The following MTUS2 variants were observed in gnomAD, a reference collection of about 807,000 sequenced individuals.
MTUS2 encodes the protein microtubule-associated tumor suppressor candidate 2.
A neutral mutation model predicts 114.1 loss-of-function variants in MTUS2; 40 were observed. That is an observed-to-expected ratio of 0.35 (90% CI 0.27 to 0.46). MTUS2 has a LOEUF of 0.46. MTUS2 is among the 20% of genes least tolerant of loss of function. The pLI, the probability that MTUS2 is intolerant of heterozygous loss-of-function variation, is 1.00. For missense variants in MTUS2, 1,679 were observed against 1,705.4 expected (o/e 0.98, Z 0.27); for synonymous variants, 688 against 672.0 (o/e 1.02, Z -0.37).
intron 1 of MTUS2, among the ~76,000 whole-genome samples, chr13:28,824,149 C>G (rs1369788558): frequency 6.6e-6 from 1 of 152,200 alleles, no homozygotes; most frequent in African/African-American, 2.4e-5. Flanking sequence ...TAGAAAAGCT[C>G]AAGGCTGCCC....
chr13:28,989,434 C>T (rs913251592), intron 2 of MTUS2, among the ~76,000 whole-genome samples: 19 of 152,184 alleles, frequency 1.2e-4, no homozygotes, highest in African/African-American at 4.1e-4. Flanking sequence ...CAAAATTGGC[C>T]TCATTAACAA....
At chr13:29,256,008 C>G (rs1471266656) in intron 5 of MTUS2, among the ~76,000 whole-genome samples, 1 of 152,148 alleles carries the variant, frequency 6.6e-6, no homozygotes, top group East Asian at 1.9e-4. Context: ...TAAATGAGTT[C>G]ATCTATGTAG....
intron 6 of MTUS2, among the ~76,000 whole-genome samples, chr13:29,323,895 G>A (rs1050464892): frequency 2.0e-5 from 3 of 152,182 alleles, no homozygotes; most frequent in Non-Finnish European, 4.4e-5. Context: ...ATCTAGGTCT[G>A]TGTGATTTCG....
intron 2 of MTUS2, among the ~76,000 whole-genome samples, chr13:28,870,870 C>T (rs1185653410): frequency 6.6e-6 from 1 of 152,172 alleles, no homozygotes; most frequent in Non-Finnish European, 1.5e-5. Flanking sequence ...CCACAGCTTG[C>T]ACATGGAAAG....
At chr13:29,293,367 A>T (rs1898798070) in intron 6 of MTUS2, among the ~76,000 whole-genome samples, 1 of 152,202 alleles carries the variant, frequency 6.6e-6, no homozygotes. Context: ...TTTACTAATA[A>T]CTAAACATAT....
chr13:28,831,962 C>G (rs1874717145), intron 1 of MTUS2, among the ~76,000 whole-genome samples: 2 of 151,804 alleles, frequency 1.3e-5, no homozygotes, highest in Non-Finnish European at 2.9e-5. Flanking sequence ...CAGGCTTTCA[C>G]TATGTTGGCC....
upstream of MTUS2, among the ~76,000 whole-genome samples, chr13:28,819,965 G>A (rs1259870613): frequency 6.8e-6 from 1 of 147,448 alleles, no homozygotes; most frequent in Admixed American, 6.7e-5. Context: ...GTCTCGGCGA[G>A]TGCGTCTCCG....
chr13:29,073,596 TC>T (rs1209655909), intron 4 of MTUS2, among the ~76,000 whole-genome samples: 4 of 152,082 alleles, frequency 2.6e-5, no homozygotes, highest in African/African-American at 9.7e-5. Flanking sequence ...ATTTTTAAAA[TC>T]AAAAGCATGA....
At chr13:29,195,612 G>A (rs993417995) in intron 5 of MTUS2, among the ~76,000 whole-genome samples, 1 of 149,752 alleles carries the variant, frequency 6.7e-6, no homozygotes, top group African/African-American at 2.5e-5. Context: ...GTTGAAAGAT[G>A]CAGAGAGTGT....
intron 6 of MTUS2, among the ~76,000 whole-genome samples, chr13:29,312,149 C>T (rs529017172): frequency 6.6e-6 from 1 of 152,326 alleles, no homozygotes; most frequent in African/African-American, 2.4e-5. Flanking sequence ...TGAAGCCTTA[C>T]CTGGCTCCTC....
chr13:29,317,803 G>A (rs181398453), intron 6 of MTUS2, among the ~76,000 whole-genome samples: 1 of 152,248 alleles, frequency 6.6e-6, no homozygotes, highest in Admixed American at 6.5e-5. Flanking sequence ...TCGAGATAAT[G>A]TTTCCTTTCT....
At chr13:29,126,865 G>A (rs1402846876) in intron 5 of MTUS2, among the ~76,000 whole-genome samples, 2 of 152,152 alleles carry the variant, frequency 1.3e-5, no homozygotes, top group African/African-American at 4.8e-5. Flanking sequence ...TTTCTCATCA[G>A]CACATGTGGT....
In MTUS2 at chr13:29,298,579, TTTTCTC is replaced by T. The variant is rs57448007; in HGVS notation, c.2806+16720_2806+16725del. ...CTTCGTCCAGTCCTCTCAAGTATCA[TTTTCTC>T]TTTCTGTGCACATCTTTAGTGAAGA... On this transcript the variant is annotated intron_variant, in intron 6 of 15. Coordinates refer to ENST00000612955, the MANE Select transcript of MTUS2 (RefSeq NM_001033602.4). Among the ~76,000 whole-genome samples the T allele has an allele frequency of 7.7e-3, 1,172 of 152,290 alleles. 14 individuals carry two copies. Among genetic ancestry groups the T allele is most frequent in the African/African-American group, 0.027 (1,119 of 41,556 alleles).
At chr13:28,954,508 G>T (rs1882966889) in intron 2 of MTUS2, among the ~76,000 whole-genome samples, 1 of 152,236 alleles carries the variant, frequency 6.6e-6, no homozygotes, top group African/African-American at 2.4e-5. Context: ...AGAATTAGGA[G>T]GGAGGGTGTG....
At chr13:29,426,442 GGAACAGTCT>G (rs1876535753) in intron 8 of MTUS2, among the ~76,000 whole-genome samples, 1 of 152,118 alleles carries the variant, frequency 6.6e-6, no homozygotes, top group African/African-American at 2.4e-5. Context: ...TCATAAGTGG[GGAACAGTCT>G]GTATATTCGC....
At chr13:29,119,231 AT>A (rs1891210415) in intron 5 of MTUS2, among the ~76,000 whole-genome samples, 1 of 152,222 alleles carries the variant, frequency 6.6e-6, no homozygotes, top group Non-Finnish European at 1.5e-5. Context: ...ATAGATACAC[AT>A]TGGACCTGAT....
chr13:28,973,712 C>T (rs1296173212), intron 2 of MTUS2, among the ~76,000 whole-genome samples: 1 of 152,212 alleles, frequency 6.6e-6, no homozygotes, highest in African/African-American at 2.4e-5. Context: ...TGAAGGTTTA[C>T]ATTTTGTAAT....
At chr13:29,304,557 G>C (rs1812851334) in intron 6 of MTUS2, among the ~76,000 whole-genome samples, 1 of 152,160 alleles carries the variant, frequency 6.6e-6, no homozygotes, top group South Asian at 2.1e-4. Context: ...TTACATAATG[G>C]TAAAGGGTTT....
intron 5 of MTUS2, among the ~76,000 whole-genome samples, chr13:29,120,378 C>A (rs1891258652): frequency 1.3e-5 from 2 of 151,732 alleles, no homozygotes; most frequent in African/African-American, 2.4e-5. Flanking sequence ...TATATTTTCA[C>A]AAATATCCAT....
Sources: allele counts gnomAD v4.1 joint callset (sites outside exome capture counted in the v4.1 genomes callset), GRCh38; gene constraint gnomAD v4.1.1; transcripts MANE v1.5; gene names NCBI Gene and HGNC (gene_info 2026-07-23, HGNC 2026-07-21).